Variants in AGBL1 observed in about 807,000 individuals in gnomAD.
The protein encoded by AGBL1 is cytosolic carboxypeptidase 4.
AGBL1 carries 130 observed loss-of-function variants against 118.9 expected under a neutral mutation model. The observed-to-expected ratio is 1.09, with a 90% CI of 0.95 to 1.26. The LOEUF (loss-of-function observed/expected upper bound fraction) is 1.26. AGBL1 is among the 50% of genes most tolerant of loss of function. The pLI is 0.00. For synonymous variants in AGBL1, 555 were observed against 478.9 expected, an observed-to-expected ratio of 1.16 and a Z score of -2.08; for missense variants, 1,584 against 1,298.1, an observed-to-expected ratio of 1.22 and a Z score of -3.38.
In AGBL1 at chr15:86,493,247, AAG is replaced by A. The variant is rs368091076; in HGVS notation, c.2556-29557_2556-29556del. Among the ~76,000 whole-genome samples, 426 of 152,108 alleles carry A rather than the reference AAG, an allele frequency of 2.8e-3. 4 individuals carry two copies. Among genetic ancestry groups the A allele is most frequent in the Middle Eastern group, 0.01 (3 of 294 alleles). ...CATACAAAAAAACATTCAGGAGGTA[AAG>A]AGAGACAACACGGTGATCACGTGTT... On this transcript the variant is annotated intron_variant, in intron 18 of 22. Transcript: ENST00000614907.
At chr15:86,417,859 G>A (rs1186433181) in intron 18 of AGBL1, among the ~76,000 whole-genome samples, 2 of 152,184 alleles carry the variant, frequency 1.3e-5, no homozygotes, top group Non-Finnish European at 2.9e-5. Context: ...TATTCATGAA[G>A]CCTGAAGCAT....
chr15:86,964,057 TTG>T (rs1567262365), intron 23 of AGBL1, among the ~76,000 whole-genome samples: 1 of 132,386 alleles, frequency 7.6e-6, no homozygotes, highest in South Asian at 2.5e-4. Context: ...GTGTGTGTGT[TTG>T]TGTGTGACTT....
chr15:86,875,909 A>G (rs534291234), intron 22 of AGBL1, among the ~76,000 whole-genome samples: 1 of 152,316 alleles, frequency 6.6e-6, no homozygotes, highest in East Asian at 1.9e-4. Flanking sequence ...GCATTGATCA[A>G]TCCTCAAGCA....
chr15:86,925,386 C>G (rs1027510161), intron 23 of AGBL1, among the ~76,000 whole-genome samples: 1 of 152,040 alleles, frequency 6.6e-6, no homozygotes, highest in African/African-American at 2.4e-5. Context: ...GAACTGCTGT[C>G]CTAACAGACA....
At chr15:86,322,370 T>C (rs2080117144) in intron 17 of AGBL1, among the ~76,000 whole-genome samples, 1 of 152,138 alleles carries the variant, frequency 6.6e-6, no homozygotes, top group Non-Finnish European at 1.5e-5. Context: ...TACTGTATTT[T>C]TCTAATTAAT....
intron 17 of AGBL1, among the ~76,000 whole-genome samples, chr15:86,315,255 T>C (rs1308009317): frequency 6.6e-6 from 1 of 152,132 alleles, no homozygotes; most frequent in Non-Finnish European, 1.5e-5. Flanking sequence ...AGCTCAGGTG[T>C]AGGTATTGGA....
intron 22 of AGBL1, among the ~76,000 whole-genome samples, chr15:86,737,162 G>C (rs1362527438): frequency 6.6e-6 from 1 of 152,180 alleles, no homozygotes; most frequent in Non-Finnish European, 1.5e-5. Flanking sequence ...GAATGGTGCA[G>C]GAATGGAAGA....
intron 18 of AGBL1, among the ~76,000 whole-genome samples, chr15:86,520,795 C>G (rs2083180153): frequency 6.6e-6 from 1 of 152,164 alleles, no homozygotes; most frequent in African/African-American, 2.4e-5. Flanking sequence ...CAAAGAGAAT[C>G]CTGGGGCTCT....
At chr15:86,983,590 A>G (rs759512136) in intron 23 of AGBL1, among the ~76,000 whole-genome samples, 1 of 152,196 alleles carries the variant, frequency 6.6e-6, no homozygotes, top group Non-Finnish European at 1.5e-5. Context: ...ATACATTTTA[A>G]GTATATGGTT....
chr15:86,952,251 G>A (rs2080887601), intron 23 of AGBL1, among the ~76,000 whole-genome samples: 1 of 151,352 alleles, frequency 6.6e-6, no homozygotes, highest in African/African-American at 2.4e-5. Flanking sequence ...AAATTTTTTT[G>A]TCACTCTTAT....
At chr15:86,365,373 C>G (rs749707374) in intron 17 of AGBL1, among the ~76,000 whole-genome samples, 1 of 152,036 alleles carries the variant, frequency 6.6e-6, no homozygotes, top group Admixed American at 6.6e-5. Context: ...TTCTTCTGAT[C>G]CTAACATTTT....
chr15:86,303,697 TAATTC>T (rs2141805428), intron 17 of AGBL1, among the ~76,000 whole-genome samples: 1 of 152,254 alleles, frequency 6.6e-6, no homozygotes, highest in East Asian at 1.9e-4. Context: ...ATATCAGAGT[TAATTC>T]TATACAGTTA....
intron 6 of AGBL1, among the ~76,000 whole-genome samples, chr15:86,235,891 A>G (rs776759421): frequency 1.3e-5 from 2 of 152,176 alleles, no homozygotes; most frequent in Non-Finnish European, 2.9e-5. Context: ...ACATCCTACA[A>G]ATGCACAGGA....
At chr15:86,343,973 C>T (rs1455385651) in intron 17 of AGBL1, among the ~76,000 whole-genome samples, 1 of 152,146 alleles carries the variant, frequency 6.6e-6, no homozygotes, top group Non-Finnish European at 1.5e-5. Flanking sequence ...TCAAATCAAG[C>T]CATGAAAAAA....
At chr15:86,371,541 C>T (rs78851643) in intron 17 of AGBL1, among the ~76,000 whole-genome samples, 3,653 of 152,112 alleles carry the variant, frequency 0.024, 168 homozygotes, top group African/African-American at 0.083. Context: ...ATAACATACA[C>T]ACATATACAT....
Position 86,546,077 on chromosome 15 carries a change from T to A in AGBL1, c.2761T>A (p.Trp921Arg). Residue 921 changes from tryptophan (W) to arginine (R), a missense_variant, in exon 20 of 23, where the codon TGG becomes AGG. Trp to Arg is a moderately radical substitution (Grantham distance 101, BLOSUM62 -3). Coordinates refer to ENST00000614907, the MANE Select transcript of AGBL1 (RefSeq NM_001386094.1). ...TGGCTGTAGCATCAAGGAAACCTTG[T>A]GGCAAGCAGCATGCACTGTGGGCAC... ...LYGCSIKETLWQAACTVGTST... is the reference protein window; with the variant it reads ...LYGCSIKETLRQAACTVGTST... 1 of 1,613,462 alleles carries A rather than the reference T, an allele frequency of 6.2e-7. No homozygotes were observed. Among genetic ancestry groups the A allele is most frequent in the Admixed American group, 1.7e-5 (1 of 59,916 alleles).
intron 19 of AGBL1, among the ~76,000 whole-genome samples, chr15:86,526,834 G>C (rs771077518): frequency 7.2e-4 from 109 of 152,032 alleles, no homozygotes; most frequent in Non-Finnish European, 1.3e-3. Flanking sequence ...TGGTATAATG[G>C]ACACTTGGAG....
intron 20 of AGBL1, among the ~76,000 whole-genome samples, chr15:86,553,282 T>C (rs551707299): frequency 6.8e-4 from 103 of 152,334 alleles, no homozygotes; most frequent in African/African-American, 2.4e-3. Flanking sequence ...CTCAGAACTG[T>C]GTATACTATC....
intron 21 of AGBL1, among the ~76,000 whole-genome samples, chr15:86,601,855 A>G (rs1345089891): frequency 1.3e-5 from 2 of 152,206 alleles, no homozygotes; most frequent in African/African-American, 4.8e-5. Flanking sequence ...ATGGAGACAG[A>G]CAGGATAAAT....
Sources: allele counts gnomAD v4.1 joint callset (sites outside exome capture counted in the v4.1 genomes callset), GRCh38; gene constraint gnomAD v4.1.1; transcripts MANE v1.5; gene names NCBI Gene and HGNC (gene_info 2026-07-23, HGNC 2026-07-21).